Variants in PLXNA4 observed in about 807,000 individuals in gnomAD.
PLXNA4 encodes the protein plexin A4.
In PLXNA4, 44 loss-of-function variants were observed where a neutral mutation model predicts 191.8. The observed-to-expected ratio is 0.23, with a 90% confidence interval of 0.18 to 0.29. The LOEUF is 0.29. Ranked by LOEUF, PLXNA4 falls within the 10% of genes least tolerant of loss-of-function variation. The probability of loss-of-function intolerance (pLI) is 1.00; values close to 1 mark genes in which losing one functional copy is unlikely to be tolerated. For synonymous variants in PLXNA4, 1,082 were observed against 1,009.5 expected (o/e 1.07, Z -1.36); for missense variants, 1,800 against 2,488.8 (o/e 0.72, Z 5.89).
chr7:132,455,774 T>A (rs556396883), intron 3 of PLXNA4, among the ~76,000 whole-genome samples: 1 of 152,184 alleles, frequency 6.6e-6, no homozygotes, highest in African/African-American at 2.4e-5. Flanking sequence ...GGGGCCCAGA[T>A]GGTCCTCAGC....
At chr7:132,533,703 G>A (rs1585289257) in intron 1 of PLXNA4, among the ~76,000 whole-genome samples, 1 of 152,196 alleles carries the variant, frequency 6.6e-6, no homozygotes, top group Non-Finnish European at 1.5e-5. Flanking sequence ...ACAGCCTGCA[G>A]GACCAGAGAG....
chr7:132,647,114 T>C (rs1288415121), intron 1 of PLXNA4, among the ~76,000 whole-genome samples: 10 of 150,298 alleles, frequency 6.7e-5, no homozygotes, highest in African/African-American at 2.5e-4. Context: ...TACACGCATA[T>C]ACACTCACAC....
intron 3 of PLXNA4, among the ~76,000 whole-genome samples, chr7:132,298,664 C>A: frequency 6.6e-6 from 1 of 152,248 alleles, no homozygotes; most frequent in Non-Finnish European, 1.5e-5. Context: ...GGAACTGCTA[C>A]CTGGATGTCA....
At chr7:132,253,302 C>T (rs1935164150) in intron 4 of PLXNA4, among the ~76,000 whole-genome samples, 1 of 147,126 alleles carries the variant, frequency 6.8e-6, no homozygotes, top group African/African-American at 2.5e-5. Context: ...GTGGCGCGAT[C>T]TCAGCTCACT....
rs147872763 is a variant in PLXNA4 at position 132,385,748 on chromosome 7, GCA to G, written c.1372-87528_1372-87527del. On this transcript the variant is annotated intron_variant, in intron 3 of 31. Transcript: ENST00000321063. ...CACGCGTGCGCATGCACACATGGAT[GCA>G]CACACACACACACATTCTCAGTGAC... 3.5e-3 allele frequency among the ~76,000 whole-genome samples: 530 copies of G among 151,672 alleles called. 1 individual carries two copies. The highest frequency in any genetic ancestry group is 0.012 in the African/African-American group (496 of 41,426).
At chr7:132,627,504 C>T (rs1042070055) in intron 2 of PLXNA4, among the ~76,000 whole-genome samples, 13 of 152,050 alleles carry the variant, frequency 8.5e-5, no homozygotes, top group African/African-American at 3.1e-4. Context: ...TTTTATGTAG[C>T]CTTCATTTCT....
At position 132,159,465 on chromosome 7, in the gene PLXNA4, C is replaced by T. The variant is rs1437161741; in HGVS notation, c.4660+8G>A. The T allele has an allele frequency of 1.2e-5, 20 of 1,613,764 alleles. No homozygotes were observed. Among genetic ancestry groups the T allele is most frequent in the Non-Finnish European group, 1.7e-5 (20 of 1,179,782 alleles). On this transcript the variant is annotated splice_region_variant and intron_variant, in intron 25 of 31. Transcript: ENST00000321063. ...CAAGGACAGCCCCTGGGTGGACAGCCTACTCACCCAGATCCATATCTGCAG... is the reference window on the plus strand; with the variant it reads ...CAAGGACAGCCCCTGGGTGGACAGCTTACTCACCCAGATCCATATCTGCAG...
chr7:132,273,352 A>ACACACGCACG (rs1181279766), intron 4 of PLXNA4, among the ~76,000 whole-genome samples: 1 of 151,512 alleles, frequency 6.6e-6, no homozygotes, highest in Non-Finnish European at 1.5e-5. Flanking sequence ...GCACACACAC[A>ACACACGCACG]CACACGCACG....
chr7:132,614,868 G>C (rs903519994), intron 2 of PLXNA4, among the ~76,000 whole-genome samples: 1 of 152,238 alleles, frequency 6.6e-6, no homozygotes, highest in African/African-American at 2.4e-5. Context: ...GATGTGCAGA[G>C]AGGCGGAGAT....
chr7:132,187,533 G>C lies in PLXNA4; in HGVS notation c.2931C>G (p.Thr977=). ...CCACGTTGCTTCCGGCATTCAGGTTGGTGCCTGTGATGGTCACTTGGGTCC... is the reference window on the plus strand; with the variant it reads ...CCACGTTGCTTCCGGCATTCAGGTTCGTGCCTGTGATGGTCACTTGGGTCC... ...SGGTQVTITG[T]NLNAGSNVVV... Residue 977 remains threonine, a synonymous_variant, in exon 15 of 32, where the codon ACC becomes ACG. Transcript: ENST00000321063. The C allele has an allele frequency of 6.2e-7, 1 of 1,614,142 alleles. No homozygotes were observed. Among genetic ancestry groups the C allele is most frequent in the Middle Eastern group, 1.6e-4 (1 of 6,062 alleles).
chr7:132,622,613 G>T (rs1803290348), intron 2 of PLXNA4, among the ~76,000 whole-genome samples: 1 of 151,982 alleles, frequency 6.6e-6, no homozygotes. Context: ...CCATTTTCTG[G>T]TCCCCACTGT....
At chr7:132,464,609 G>C (rs1184172919) in intron 3 of PLXNA4, among the ~76,000 whole-genome samples, 1 of 152,214 alleles carries the variant, frequency 6.6e-6, no homozygotes, top group African/African-American at 2.4e-5. Flanking sequence ...CAAAATATGT[G>C]AAAGGGCTTT....
intron 4 of PLXNA4, among the ~76,000 whole-genome samples, chr7:132,293,984 G>T (rs1172348192): frequency 2.2e-4 from 33 of 151,962 alleles, no homozygotes; most frequent in Admixed American, 2.2e-3. Context: ...CTGTTCTAGG[G>T]GTAACACACA....
At chr7:132,348,816 G>A (rs1295608774) in intron 3 of PLXNA4, among the ~76,000 whole-genome samples, 15 of 152,202 alleles carry the variant, frequency 9.9e-5, no homozygotes, top group Admixed American at 9.2e-4. Flanking sequence ...GCCAATGGGA[G>A]CCCACCTCAG....
intron 24 of PLXNA4, 75 bp downstream of exon 24, chr7:132,164,067 C>G: frequency 6.3e-7 from 1 of 1,588,210 alleles, no homozygotes; most frequent in South Asian, 1.1e-5. Flanking sequence ...TCAGCCATCT[C>G]CACTGCTGAG....
intron 3 of PLXNA4, among the ~76,000 whole-genome samples, chr7:132,441,272 A>G (rs1355936157): frequency 6.6e-6 from 1 of 152,180 alleles, no homozygotes; most frequent in Non-Finnish European, 1.5e-5. Context: ...GGTGATTTTT[A>G]AACTCGCCTT....
chr7:132,204,651 T>C lies in PLXNA4; in HGVS notation c.2299-1232A>G, dbSNP rs1304544325. ...GGCCACTGAGGCTCCGTCCTCCAAG[T>C]TGGCCATGGCACCTTCATGGACAGG... On this transcript the variant is annotated intron_variant, in intron 10 of 31. Coordinates refer to ENST00000321063, the MANE Select transcript of PLXNA4 (RefSeq NM_020911.2). Among the ~76,000 whole-genome samples the C allele has an allele frequency of 2.0e-5, 3 of 152,190 alleles. 1 individual carries two copies. Among genetic ancestry groups the C allele is most frequent in the East Asian group, 3.8e-4 (2 of 5,200 alleles).
chr7:132,383,422 A>G (rs1042640410), intron 3 of PLXNA4: 2 of 411,872 alleles, frequency 4.9e-6, no homozygotes, highest in Non-Finnish European at 3.3e-6. Flanking sequence ...TTAAGAAAAA[A>G]TGTAAATAAA....
At chr7:132,375,564 T>C (rs969808795) in intron 3 of PLXNA4, among the ~76,000 whole-genome samples, 1 of 152,122 alleles carries the variant, frequency 6.6e-6, no homozygotes, top group Non-Finnish European at 1.5e-5. Context: ...GGCAGTTGAT[T>C]AAATAACCAC....
Sources: gnomAD v4.1 joint callset for allele counts (sites outside exome capture counted in the v4.1 genomes callset) on GRCh38, gnomAD v4.1.1 for gene constraint, MANE v1.5 for transcripts, NCBI Gene and HGNC (gene_info 2026-07-23, HGNC 2026-07-21) for gene names.